PEX14: variants seen among roughly 807,000 people sequenced by gnomAD.
The protein encoded by PEX14 is peroxisomal biogenesis factor 14, also known as peroxisomal membrane protein PEX14.
In PEX14, 15 loss-of-function variants were observed where a neutral mutation model predicts 49.5. The ratio of observed to expected loss-of-function variants is 0.30; its 90% CI spans 0.20 to 0.47. The LOEUF (loss-of-function observed/expected upper bound fraction) is 0.47. Among genes scored for constraint, PEX14 ranks in the 20% least tolerant of loss-of-function variants. The pLI is 1.00. For synonymous variants in PEX14, 210 were observed against 212.7 expected, an observed-to-expected ratio of 0.99 and a Z score of 0.11; for missense variants, 398 against 494.8, an observed-to-expected ratio of 0.80 and a Z score of 1.86.
intron 3 of PEX14, among the ~76,000 whole-genome samples, chr1:10,541,499 C>A (rs1462543789): frequency 6.6e-6 from 1 of 152,184 alleles, no homozygotes; most frequent in Non-Finnish European, 1.5e-5. Flanking sequence ...CCTCTGGGGG[C>A]GGGGCCGTGC....
At chr1:10,624,953 AAC>A (rs1641702324) in intron 7 of PEX14, among the ~76,000 whole-genome samples, 1 of 152,154 alleles carries the variant, frequency 6.6e-6, no homozygotes, top group South Asian at 2.1e-4. Context: ...AGCCAGAACC[AAC>A]TCCCAAGGCA....
At position 10,628,212 on chromosome 1, in the gene PEX14, T is replaced by C. The variant is rs1044989287; in HGVS notation, c.677+849T>C. Among the ~76,000 whole-genome samples the C allele has an allele frequency of 6.6e-6, 1 of 152,228 alleles. No homozygotes were observed. Among genetic ancestry groups the C allele is most frequent in the Non-Finnish European group, 1.5e-5 (1 of 68,042 alleles). On this transcript the variant is annotated intron_variant, in intron 8 of 8. Coordinates refer to ENST00000356607, the MANE Select transcript of PEX14 (RefSeq NM_004565.3). This position sits in a 1 kb window ranked among gnomAD's most constrained non-coding sequence, Gnocchi z 4.5. ...CCTCCCAAAGTGCTGGGATTACAGG[T>C]GTGAGCCACTGTGCCTGGACTGTTC... is the stretch of plus-strand genomic sequence containing the variant.
At chr1:10,565,382 C>G (rs1411873224) in intron 3 of PEX14, among the ~76,000 whole-genome samples, 1 of 151,690 alleles carries the variant, frequency 6.6e-6, no homozygotes, top group Non-Finnish European at 1.5e-5. Flanking sequence ...CTGTCTTCCC[C>G]TGGTCAATCC....
rs147639679 is a variant in PEX14, at chr1:10,510,433, C to T, written c.84+15112C>T. Among the ~76,000 whole-genome samples, 753 of 152,284 alleles carry T rather than the reference C, an allele frequency of 4.9e-3. 9 individuals are homozygous for T. The highest frequency in any genetic ancestry group is 0.017 in the African/African-American group (717 of 41,552). On this transcript the variant is annotated intron_variant, in intron 2 of 8. Transcript: ENST00000356607. Reference sequence around the variant, plus strand: ...TCTTTGTGGGCACCATATTAAGCCCCCTTTTTGAGCATTTATCTGATTTGT... The same window carrying T: ...TCTTTGTGGGCACCATATTAAGCCCTCTTTTTGAGCATTTATCTGATTTGT...
At chr1:10,488,437 G>T (rs141624630) in intron 1 of PEX14, among the ~76,000 whole-genome samples, 2 of 152,184 alleles carry the variant, frequency 1.3e-5, no homozygotes, top group Admixed American at 6.5e-5. Context: ...GATTACAGGC[G>T]TGAGCCACCG....
At position 10,529,623 on chromosome 1, in the gene PEX14, A is replaced by G. The variant is rs982951806; in HGVS notation, c.85-6590A>G. On this transcript the variant is annotated intron_variant, in intron 2 of 8. Coordinates refer to ENST00000356607, the MANE Select transcript of PEX14 (RefSeq NM_004565.3). This position sits in a 1 kb window ranked among gnomAD's most constrained non-coding sequence, Gnocchi z 4.2. ...TCACTTTGAAAGGTAGTTTTTGTGC[A>G]TGTGAAGTTGCCACTTTTCATAAAG... Among the ~76,000 whole-genome samples the G allele has an allele frequency of 1.3e-5, 2 of 152,258 alleles. No individual in the cohort carries two copies. The highest frequency in any genetic ancestry group is 2.9e-5 in the Non-Finnish European group (2 of 68,048).
At chr1:10,585,035 C>T (rs1472930568) in intron 3 of PEX14, among the ~76,000 whole-genome samples, 1 of 152,124 alleles carries the variant, frequency 6.6e-6, no homozygotes, top group Non-Finnish European at 1.5e-5. Context: ...TTATATCACA[C>T]TATAGTAAGT....
rs1467340135 is a variant in PEX14 at position 10,503,300 on chromosome 1, A to G, written c.84+7979A>G. Among the ~76,000 whole-genome samples, 8 of 125,152 alleles carry G rather than the reference A, an allele frequency of 6.4e-5. No individual in the cohort carries two copies. In the East Asian group the frequency reaches 1.8e-3, roughly 28 times the overall value. The allele number at this position is 125,152 out of a possible 152,430, so 82.1% of individuals were successfully genotyped here. On this transcript the variant is annotated intron_variant, in intron 2 of 8. Transcript: ENST00000356607. ...CTGTCTCAAAAAAAAAAAAAAAAAA[A>G]AAAAAAGAAAGAAAGAAAAGAAAAG...
chr1:10,520,153 T>TTTTTTTTTTTTTTTTTTTTTTTTTTG (rs754714815), intron 2 of PEX14, among the ~76,000 whole-genome samples: 150 of 91,928 alleles, frequency 1.6e-3, no homozygotes, highest in Non-Finnish European at 2.8e-3. Flanking sequence ...TTCTTCTTTT[T>TTTTTTTTTTTTTTTTTTTTTTTTTTG]TTTTTTTTTG....
At chr1:10,590,047 T>G (rs950905722) in intron 3 of PEX14, among the ~76,000 whole-genome samples, 2 of 152,358 alleles carry the variant, frequency 1.3e-5, no homozygotes, top group East Asian at 1.9e-4. Flanking sequence ...CTGAGGAGCC[T>G]GGGCCTGGGG....
At chr1:10,627,804 C>T (rs1641793683) in intron 8 of PEX14, among the ~76,000 whole-genome samples, 5 of 152,270 alleles carry the variant, frequency 3.3e-5, no homozygotes, top group African/African-American at 1.2e-4. Context: ...GAAGCAGGCC[C>T]TGCCCCCCGG....
At chr1:10,532,105 C>T (rs1214238093) in intron 2 of PEX14, among the ~76,000 whole-genome samples, 4 of 152,156 alleles carry the variant, frequency 2.6e-5, no homozygotes, top group Non-Finnish European at 5.9e-5. Context: ...CCTGCTCTCT[C>T]AAATACAAAT....
chr1:10,617,830 G>A (rs1052739672), intron 4 of PEX14, among the ~76,000 whole-genome samples: 2 of 152,122 alleles, frequency 1.3e-5, no homozygotes, highest in African/African-American at 4.8e-5. Flanking sequence ...GTTTACCACA[G>A]CCCACCCCCG....
At chr1:10,599,199 A>C (rs1640912839) in intron 3 of PEX14, 39 bp from the exon 4 acceptor site, 1 of 1,609,854 alleles carries the variant, frequency 6.2e-7, no homozygotes, top group Admixed American at 1.7e-5. Flanking sequence ...GGACACTGAC[A>C]AAAGGTACTC....
chr1:10,591,720 A>T (rs2124589137), intron 3 of PEX14, among the ~76,000 whole-genome samples: 1 of 145,690 alleles, frequency 6.9e-6, no homozygotes, highest in African/African-American at 2.6e-5. Context: ...CATGCTCCTG[A>T]TGTTCTCTTT....
chr1:10,513,276 T>C (rs1473431131), intron 2 of PEX14, among the ~76,000 whole-genome samples: 2 of 152,168 alleles, frequency 1.3e-5, no homozygotes, highest in African/African-American at 4.8e-5. Context: ...GATTCTAACA[T>C]AGCTGCTATC....
intron 4 of PEX14, among the ~76,000 whole-genome samples, chr1:10,599,826 C>T (rs1211456853): frequency 6.6e-6 from 1 of 152,158 alleles, no homozygotes; most frequent in Non-Finnish European, 1.5e-5. Context: ...TCCCTCCCTC[C>T]CTTGTCCTGG....
At chr1:10,550,196 GAATGAT>G (rs1329507633) in intron 3 of PEX14, among the ~76,000 whole-genome samples, 1 of 152,192 alleles carries the variant, frequency 6.6e-6, no homozygotes, top group African/African-American at 2.4e-5. Context: ...GAGACCAGAA[GAATGAT>G]AAGTGGTTCT....
chr1:10,555,555 T>C (rs1003986753), intron 3 of PEX14, among the ~76,000 whole-genome samples: 3 of 152,108 alleles, frequency 2.0e-5, no homozygotes, highest in Non-Finnish European at 2.9e-5. Context: ...GGGAGCTCTG[T>C]GTTTGAAATT....
Sources: allele counts gnomAD v4.1 joint callset (sites outside exome capture counted in the v4.1 genomes callset), GRCh38; gene constraint gnomAD v4.1.1; non-coding constraint Gnocchi (gnomAD v3.1); transcripts MANE v1.5; gene names NCBI Gene and HGNC (gene_info 2026-07-23, HGNC 2026-07-21).